Variants in PXDNL observed in about 807,000 individuals in gnomAD.
The protein encoded by PXDNL is probable oxidoreductase PXDNL.
Under a neutral mutation model 150.8 loss-of-function variants are expected in PXDNL, and 145 were observed. That is an observed-to-expected ratio of 0.96 (90% CI 0.84 to 1.10). The LOEUF (loss-of-function observed/expected upper bound fraction) is 1.10, where lower values mean the gene tolerates loss of function less well. PXDNL is among the 50% of genes least tolerant of loss of function. PXDNL has a pLI of 0.00. For synonymous variants in PXDNL, 757 were observed against 725.7 expected, an observed-to-expected ratio of 1.04 and a Z score of -0.69; for missense variants, 2,087 against 1,873.9, an observed-to-expected ratio of 1.11 and a Z score of -2.10.
intron 17 of PXDNL, among the ~76,000 whole-genome samples, chr8:51,396,200 T>A (rs1808076210): frequency 6.6e-6 from 1 of 152,192 alleles, no homozygotes; most frequent in African/African-American, 2.4e-5. Flanking sequence ...CAGATTCATG[T>A]GTGTATGATG....
At position 51,678,295 on chromosome 8, in the gene PXDNL, C is replaced by T. The variant is rs191347970; in HGVS notation, c.165-23535G>A. The stretch of plus-strand genomic sequence containing the variant: ...GTTTCTTCAGTAGAGATCACTGAAA[C>T]GCTTAAAGCATAGCACCTGCTTGTC... On this transcript the variant is annotated intron_variant, in intron 1 of 22. Coordinates refer to ENST00000356297, the MANE Select transcript of PXDNL (RefSeq NM_144651.5). Among the ~76,000 whole-genome samples the T allele has an allele frequency of 1.5e-4, 23 of 152,254 alleles. No individual in the cohort carries two copies. The East Asian group carries it at 1.5e-3, about 10-fold the overall frequency.
At chr8:51,790,400 T>C (rs376635527) in intron 1 of PXDNL, among the ~76,000 whole-genome samples, 3 of 152,340 alleles carry the variant, frequency 2.0e-5, no homozygotes, top group East Asian at 3.9e-4. Flanking sequence ...ATTAAATTAC[T>C]CTAAATTTTG....
chr8:51,553,771 T>TATATATATATAC (rs1236843720), intron 4 of PXDNL, among the ~76,000 whole-genome samples: 2 of 63,826 alleles, frequency 3.1e-5, no homozygotes, highest in African/African-American at 1.9e-4. Flanking sequence ...TATATATATA[T>TATATATATATAC]ACACACACTG....
intron 2 of PXDNL, among the ~76,000 whole-genome samples, chr8:51,643,161 A>G (rs1814813000): frequency 6.6e-6 from 1 of 152,168 alleles, no homozygotes; most frequent in Non-Finnish European, 1.5e-5. Context: ...CAAGCTACCA[A>G]TGACTTTCTT....
rs1234525792 is a variant in PXDNL, at chr8:51,527,429, T to C, written c.381-27659A>G. Among the ~76,000 whole-genome samples, 3 of 152,208 alleles carry C rather than the reference T, an allele frequency of 2.0e-5. No homozygotes were observed. In the East Asian group the frequency reaches 5.8e-4, roughly 29 times the overall value. On this transcript the variant is annotated intron_variant, in intron 4 of 22. Transcript: ENST00000356297. Reference sequence around the variant, plus strand: ...CCTGGTAAATATTCACTCCTCATTGTAGACCTCCACCAGAATGACAAGGAG... The same window carrying C: ...CCTGGTAAATATTCACTCCTCATTGCAGACCTCCACCAGAATGACAAGGAG...
At chr8:51,622,697 G>C (rs776350159) in intron 2 of PXDNL, among the ~76,000 whole-genome samples, 19 of 152,204 alleles carry the variant, frequency 1.2e-4, no homozygotes, top group Non-Finnish European at 2.5e-4. Flanking sequence ...CTCCTACCAA[G>C]TGATCAATAC....
chr8:51,372,340 C>T (rs1807148675), intron 18 of PXDNL, among the ~76,000 whole-genome samples: 1 of 152,020 alleles, frequency 6.6e-6, no homozygotes, highest in African/African-American at 2.4e-5. Context: ...GGTTTTCCTC[C>T]AAAAAAGAAA....
At chr8:51,360,318 T>G (rs1450696348) in intron 19 of PXDNL, among the ~76,000 whole-genome samples, 1 of 152,220 alleles carries the variant, frequency 6.6e-6, no homozygotes, top group Non-Finnish European at 1.5e-5. Context: ...TGCTTACACA[T>G]GTACACACAT....
chr8:51,328,767 C>T (rs1805592907), intron 21 of PXDNL, among the ~76,000 whole-genome samples: 2 of 152,226 alleles, frequency 1.3e-5, no homozygotes, highest in African/African-American at 2.4e-5. Context: ...AAGAAGTTTA[C>T]CTTAAGGAAA....
intron 3 of PXDNL, among the ~76,000 whole-genome samples, chr8:51,581,177 A>G (rs1202896148): frequency 6.6e-6 from 1 of 152,148 alleles, no homozygotes; most frequent in Admixed American, 6.5e-5. Context: ...GGGTAACAGT[A>G]TGACTGATTC....
In PXDNL at chr8:51,712,605, T is replaced by C. The variant is rs78529308; in HGVS notation, c.165-57845A>G. Among the ~76,000 whole-genome samples the C allele has an allele frequency of 5.1e-4, 78 of 152,324 alleles. 1 individual carries two copies. In the East Asian group the frequency reaches 0.014, roughly 28 times the overall value. Reference sequence around the variant, plus strand: ...TAAGTATTTGGACACTGATCACATGTATCAAAGTTAATGTAAACAGACAAC... The same window carrying C: ...TAAGTATTTGGACACTGATCACATGCATCAAAGTTAATGTAAACAGACAAC... On this transcript the variant is annotated intron_variant, in intron 1 of 22. Transcript: ENST00000356297.
chr8:51,378,965 A>G (rs1202636626), intron 17 of PXDNL, among the ~76,000 whole-genome samples: 2 of 152,154 alleles, frequency 1.3e-5, no homozygotes, highest in African/African-American at 2.4e-5. Context: ...GAACCCACCA[A>G]TTCTGGACAC....
intron 17 of PXDNL, among the ~76,000 whole-genome samples, chr8:51,403,776 T>G (rs931186620): frequency 1.9e-4 from 29 of 152,304 alleles, no homozygotes; most frequent in Admixed American, 1.7e-3. Flanking sequence ...GTTATGGTAT[T>G]AATAAGCGGG....
chr8:51,696,921 C>T (rs557094051), intron 1 of PXDNL, among the ~76,000 whole-genome samples: 2 of 152,006 alleles, frequency 1.3e-5, no homozygotes, highest in Non-Finnish European at 2.9e-5. Context: ...TATATTGTTG[C>T]TGTTTCAAAG....
At chr8:51,592,365 CTGTTT>C (rs1238515551) in intron 3 of PXDNL, among the ~76,000 whole-genome samples, 1 of 152,132 alleles carries the variant, frequency 6.6e-6, no homozygotes, top group Non-Finnish European at 1.5e-5. Flanking sequence ...TATTGGAAAA[CTGTTT>C]TGTTTTTATT....
chr8:51,482,297 C>A (rs1361942467), intron 6 of PXDNL, among the ~76,000 whole-genome samples: 1 of 152,214 alleles, frequency 6.6e-6, no homozygotes, highest in African/African-American at 2.4e-5. Flanking sequence ...CCCCTTCATT[C>A]TGGCCAATTT....
intron 10 of PXDNL, 28 bp from the exon 11 acceptor site, chr8:51,449,146 T>C (rs746473449): frequency 7.1e-6 from 9 of 1,268,446 alleles, no homozygotes; most frequent in Non-Finnish European, 8.8e-6. Context: ...TACATCAAAA[T>C]TGAAAATTAT....
chr8:51,683,375 G>A (rs74935605), intron 1 of PXDNL, among the ~76,000 whole-genome samples: 12,467 of 150,746 alleles, frequency 0.083, 973 homozygotes, highest in African/African-American at 0.21. Context: ...TGTCTTCTTT[G>A]GAGAAATGAT....
intron 8 of PXDNL, among the ~76,000 whole-genome samples, chr8:51,471,719 C>T (rs2130094687): frequency 6.7e-6 from 1 of 148,620 alleles, no homozygotes; most frequent in African/African-American, 2.5e-5. Flanking sequence ...TGGAGTCTTG[C>T]TCTGTTGCCC....
Sources: gnomAD v4.1 joint callset for allele counts (sites outside exome capture counted in the v4.1 genomes callset) on GRCh38, gnomAD v4.1.1 for gene constraint, MANE v1.5 for transcripts, NCBI Gene and HGNC (gene_info 2026-07-23, HGNC 2026-07-21) for gene names.